PANK1: variants seen among roughly 807,000 people sequenced by gnomAD.
PANK1 encodes the protein pantothenic acid kinase 1.
In PANK1, 18 loss-of-function variants were observed where a neutral mutation model predicts 40.1. The observed-to-expected ratio is 0.45, with a 90% CI of 0.31 to 0.67. The LOEUF (loss-of-function observed/expected upper bound fraction) is 0.67, where lower values mean the gene tolerates loss of function less well. Among genes scored for constraint, PANK1 ranks in the 30% least tolerant of loss-of-function variants. PANK1 has a pLI of 0.06. For missense variants in PANK1, 457 were observed against 599.6 expected, an observed-to-expected ratio of 0.76 and a Z score of 2.48; for synonymous variants, 242 against 237.7, an observed-to-expected ratio of 1.02 and a Z score of -0.17.
chr10:89,605,403 C>T (rs1844932148), intron 2 of PANK1, among the ~76,000 whole-genome samples: 1 of 152,190 alleles, frequency 6.6e-6, no homozygotes, highest in African/African-American at 2.4e-5. Context: ...GCTTTATCAA[C>T]TAAGTTTATG....
At chr10:89,628,566 G>A (rs960332302) in intron 1 of PANK1, among the ~76,000 whole-genome samples, 1 of 152,124 alleles carries the variant, frequency 6.6e-6, no homozygotes, top group Non-Finnish European at 1.5e-5. Context: ...TTTTCTGGGA[G>A]GGGATAAAAT....
At chr10:89,589,681 G>A (rs1307497861) in intron 5 of PANK1, among the ~76,000 whole-genome samples, 2 of 151,780 alleles carry the variant, frequency 1.3e-5, no homozygotes, top group Non-Finnish European at 2.9e-5. Flanking sequence ...ACTGCCTCAA[G>A]TTTTAACAAT....
At chr10:89,643,791 G>A in intron 1 of PANK1, 1 of 1,608,836 alleles carries the variant, frequency 6.2e-7, no homozygotes, top group Non-Finnish European at 8.5e-7. Flanking sequence ...CTGTAAACTC[G>A]ACCTACAAAT....
chr10:89,628,725 A>C (rs1320096800), intron 1 of PANK1, among the ~76,000 whole-genome samples: 2 of 152,072 alleles, frequency 1.3e-5, no homozygotes, highest in Admixed American at 1.3e-4. Flanking sequence ...CATAAATGCC[A>C]ATTATACCAG....
chr10:89,599,154 A>T (rs766253468), intron 3 of PANK1, 98 bp downstream of exon 3: 149 of 1,197,852 alleles, frequency 1.2e-4, no homozygotes, highest in Admixed American at 4.4e-4. Flanking sequence ...AGGCCAAGAT[A>T]TTTCTTTTAA....
chr10:89,637,823 C>T (rs879849658), intron 1 of PANK1, among the ~76,000 whole-genome samples: 16 of 152,108 alleles, frequency 1.1e-4, no homozygotes, highest in Non-Finnish European at 2.1e-4. Context: ...TTTTTTGACT[C>T]TTGTAATAAC....
intron 2 of PANK1, among the ~76,000 whole-genome samples, chr10:89,602,393 G>A (rs1350832718): frequency 6.6e-6 from 1 of 152,182 alleles, no homozygotes. Context: ...CCCAGACAGG[G>A]AAACAAAAAT....
In PANK1 at chr10:89,636,353, A is replaced by AT. The variant is rs1435289629; in HGVS notation, c.292+8246dup. ...ATTATTATTATTATTTTTAATTTTT[A>AT]TTTTTTTTGAGATGGAGTTGGAGTG... On this transcript the variant is annotated intron_variant, in intron 1 of 6. Transcript: ENST00000307534. Among the ~76,000 whole-genome samples, 7 of 147,312 alleles carry AT rather than the reference A, an allele frequency of 4.8e-5. No individual in the cohort carries two copies. In the East Asian group the frequency reaches 1.4e-3, roughly 30 times the overall value.
chr10:89,606,258 A>T (rs1004484129), intron 2 of PANK1, among the ~76,000 whole-genome samples: 5 of 152,316 alleles, frequency 3.3e-5, no homozygotes, highest in African/African-American at 1.2e-4. Context: ...TGTCCCTTGA[A>T]GCTTTGAAGC....
chr10:89,631,160 T>C (rs1339002743), intron 1 of PANK1, among the ~76,000 whole-genome samples: 1 of 152,210 alleles, frequency 6.6e-6, no homozygotes, highest in Non-Finnish European at 1.5e-5. Context: ...TATTAGAATA[T>C]GTTAAATGAG....
chr10:89,622,134 T>G (rs1192275162), intron 1 of PANK1, among the ~76,000 whole-genome samples: 1 of 152,238 alleles, frequency 6.6e-6, no homozygotes, highest in Non-Finnish European at 1.5e-5. Flanking sequence ...TTTAATAGCA[T>G]GAAACACAGT....
intron 1 of PANK1, chr10:89,625,987 T>A (rs1392773401): frequency 6.6e-6 from 1 of 152,222 alleles, no homozygotes; most frequent in Non-Finnish European, 1.5e-5. Context: ...CCTCTCCATG[T>A]CACCCTTACA....
At chr10:89,588,609 T>C (rs1232541445) in intron 6 of PANK1, 43 bp downstream of exon 6, 17 of 1,482,098 alleles carry the variant, frequency 1.1e-5, no homozygotes, top group Non-Finnish European at 1.3e-5. Context: ...CAAACCAAAA[T>C]ATACTCCACA....
chr10:89,645,156 G>A lies in PANK1; in HGVS notation c.-265C>T, dbSNP rs139989175. ...CGGGCGCGGAATCGGGGATCCCCGC[G>A]CACCCCCAGCCGGGGCTCCCGCCGC... On this transcript the variant is annotated 5_prime_UTR_variant, in exon 1 of 7. Coordinates refer to ENST00000307534, the MANE Select transcript of PANK1 (RefSeq NM_148977.3). 851 of 1,530,734 alleles carry A rather than the reference G, an allele frequency of 5.6e-4. 11 individuals carry two copies. The African/African-American group carries it at 0.011, about 19-fold the overall frequency. The allele number at this position is 1,530,734 out of a possible 1,614,324, so 94.8% of individuals were successfully genotyped here.
At chr10:89,640,244 A>G (rs778014182) in intron 1 of PANK1, among the ~76,000 whole-genome samples, 2 of 152,208 alleles carry the variant, frequency 1.3e-5, no homozygotes, top group Non-Finnish European at 1.5e-5. Context: ...AATCGAAGCT[A>G]CTGTCATGAC....
chr10:89,580,102 T>C (rs1721568861), downstream of PANK1: 1 of 152,236 alleles, frequency 6.6e-6, no homozygotes, highest in Non-Finnish European at 1.5e-5. Context: ...TCTTGCTCAA[T>C]GAATAGACTC....
chr10:89,580,564 C>T (rs557937498), downstream of PANK1: 1 of 152,488 alleles, frequency 6.6e-6, no homozygotes, highest in South Asian at 2.1e-4. Context: ...ACCCAGCTCC[C>T]TCTGCTTGGA....
At chr10:89,591,164 G>A (rs7905978) in intron 5 of PANK1, among the ~76,000 whole-genome samples, 11,915 of 152,094 alleles carry the variant, frequency 0.078, 873 homozygotes, top group African/African-American at 0.19. Flanking sequence ...TATAGAGTTT[G>A]CTACCTTTGG....
intron 6 of PANK1, among the ~76,000 whole-genome samples, chr10:89,587,996 C>T (rs1230641087): frequency 6.6e-6 from 1 of 151,814 alleles, no homozygotes; most frequent in African/African-American, 2.4e-5. Flanking sequence ...TACCCGCCAG[C>T]CTCTGTAACC....
Sources: gnomAD v4.1 joint callset for allele counts (sites outside exome capture counted in the v4.1 genomes callset) on GRCh38, gnomAD v4.1.1 for gene constraint, MANE v1.5 for transcripts, NCBI Gene and HGNC (gene_info 2026-07-23, HGNC 2026-07-21) for gene names.